Variants in ZNF609 observed in about 807,000 individuals in gnomAD.
ZNF609 encodes the protein zinc finger protein 609.
A neutral mutation model predicts 109.5 loss-of-function variants in ZNF609; 11 were observed. The observed-to-expected ratio is 0.10, with a 90% CI of 0.06 to 0.17. ZNF609 has a LOEUF of 0.17. Among genes scored for constraint, ZNF609 ranks in the 10% least tolerant of loss-of-function variants. ZNF609 has a pLI of 1.00. For synonymous variants in ZNF609, 646 were observed against 662.0 expected (o/e 0.98, Z 0.37); for missense variants, 1,559 against 1,772.4 (o/e 0.88, Z 2.16).
rs758067789 is a variant in ZNF609, at chr15:64,675,288, C to T, written c.2434C>T (p.Arg812Cys). The change falls in exon 5 of 10, where the codon CGC becomes TGC. Residue 812 changes from arginine to cysteine, a missense_variant. Physicochemically the swap from Arg to Cys is radical, Grantham distance 180. Coordinates refer to ENST00000326648, the MANE Select transcript of ZNF609 (RefSeq NM_015042.2). The stretch of plus-strand genomic sequence containing the variant: ...CAGCCCTTCCATTGGAGGCAGTAGC[C>T]GCCTTGAAAACACTACCCCTACTCA... ...APSPSIGGSS[R>C]LENTTPTQPL... 1.7e-5 allele frequency: 28 copies of T among 1,613,910 alleles called. No individual in the cohort carries two copies. The highest frequency in any genetic ancestry group is 3.3e-5 in the Admixed American group (2 of 60,002).
chr15:64,631,526 T>G, intron 3 of ZNF609: 1 of 649,030 alleles, frequency 1.5e-6, no homozygotes, highest in Non-Finnish European at 2.8e-6. Flanking sequence ...AACAACTTCA[T>G]ATTTTCTTTT....
At chr15:64,496,845 G>A (rs1049055769) in intron 1 of ZNF609, among the ~76,000 whole-genome samples, 5 of 150,030 alleles carry the variant, frequency 3.3e-5, no homozygotes, top group African/African-American at 7.4e-5. Context: ...ACAGCGTCTC[G>A]CTCTGTCACC....
intron 3 of ZNF609, chr15:64,632,029 G>GTA (rs769415720): frequency 1.3e-4 from 20 of 152,192 alleles, no homozygotes; most frequent in Non-Finnish European, 2.5e-4. Context: ...TGGCGTGTGT[G>GTA]TATATATATA....
intron 2 of ZNF609, among the ~76,000 whole-genome samples, chr15:64,561,570 T>A (rs8043340): frequency 0.11 from 15,692 of 148,166 alleles, 1,400 homozygotes; most frequent in South Asian, 0.31. Context: ...TTTTTTTTTT[T>A]AAATGATTTA....
chr15:64,616,306 T>C (rs1252011769), intron 2 of ZNF609, among the ~76,000 whole-genome samples: 1 of 152,028 alleles, frequency 6.6e-6, no homozygotes, highest in Non-Finnish European at 1.5e-5. Context: ...CAGTGTATTT[T>C]CTACCTGTAA....
At chr15:64,613,499 T>C (rs926817545) in intron 2 of ZNF609, among the ~76,000 whole-genome samples, 41 of 152,176 alleles carry the variant, frequency 2.7e-4, no homozygotes, top group Non-Finnish European at 5.9e-4. Flanking sequence ...TAGCCTCTCA[T>C]GACAAGGAAT....
Position 64,675,161 on chromosome 15 carries a change from A to T in ZNF609, c.2307A>T (p.Lys769Asn). The T allele has an allele frequency of 6.2e-7, 1 of 1,614,104 alleles. No homozygotes were observed. The highest frequency in any genetic ancestry group is 8.5e-7 in the Non-Finnish European group (1 of 1,180,016). ...GGGAATCTTCAGGAGATGGGATGAA[A>T]ATGGAGGGGCTCCTAAATGGCTCAT... Reference protein sequence around the residue: ...PFRESSGDGMKMEGLLNGSSD... With the variant: ...PFRESSGDGMNMEGLLNGSSD... Residue 769 changes from lysine to asparagine, a missense_variant, in exon 5 of 10, where the codon AAA becomes AAT. Lys to Asn is a moderately conservative substitution (Grantham distance 94). This residue lies in a region of ZNF609 where 1,204 missense variants were observed against 1,314.1 expected (regional missense o/e 0.92). Coordinates refer to ENST00000326648, the MANE Select transcript of ZNF609 (RefSeq NM_015042.2).
intron 1 of ZNF609, among the ~76,000 whole-genome samples, chr15:64,490,268 AGTT>A (rs148554825): frequency 0.39 from 38,611 of 98,222 alleles, 7,519 homozygotes; most frequent in Non-Finnish European, 0.5. Context: ...CCCGGCCAGT[AGTT>A]GTTTTTTTTT....
chr15:64,561,265 A>G (rs567740297), intron 2 of ZNF609, among the ~76,000 whole-genome samples: 100 of 152,188 alleles, frequency 6.6e-4, no homozygotes, highest in African/African-American at 2.3e-3. Flanking sequence ...AGCACTTACT[A>G]CTTTCTGATA....
intron 2 of ZNF609, among the ~76,000 whole-genome samples, chr15:64,581,146 C>G (rs955467201): frequency 2.0e-5 from 3 of 151,934 alleles, no homozygotes; most frequent in Non-Finnish European, 4.4e-5. Context: ...CTGCTTCCTC[C>G]TCCTGAGTAG....
chr15:64,664,738 A>G (rs915469549), intron 3 of ZNF609, among the ~76,000 whole-genome samples: 4 of 152,120 alleles, frequency 2.6e-5, no homozygotes, highest in African/African-American at 9.7e-5. Flanking sequence ...GTCTTTCCAT[A>G]TCATAATTTT....
At chr15:64,620,532 CAGTTTTCA>C (rs1895860333) in intron 2 of ZNF609, among the ~76,000 whole-genome samples, 1 of 152,100 alleles carries the variant, frequency 6.6e-6, no homozygotes, top group Non-Finnish European at 1.5e-5. Context: ...TATAAATGCC[CAGTTTTCA>C]AGAGAGCAAA....
At chr15:64,680,386 T>G (rs766429253) in intron 7 of ZNF609, 26 bp downstream of exon 7, 47 of 1,610,084 alleles carry the variant, frequency 2.9e-5, no homozygotes, top group Non-Finnish European at 3.6e-5. Flanking sequence ...TGATGCTGGC[T>G]GTTACCCAAA....
In ZNF609 at chr15:64,623,106, G is replaced by A. The variant is rs184140048; in HGVS notation, c.973+54G>A. 5.4e-5 allele frequency: 84 copies of A among 1,541,816 alleles called. No homozygotes were observed. In the East Asian group the frequency reaches 1.4e-3, roughly 26 times the overall value. On this transcript the variant is annotated intron_variant, in intron 3 of 9. Transcript: ENST00000326648. Reference sequence around the variant, plus strand: ...CTTCTCAACCTGCTTCTGCAGGGGAGCCACCAGGGACTTATTGTTGTAAAT... The same window carrying A: ...CTTCTCAACCTGCTTCTGCAGGGGAACCACCAGGGACTTATTGTTGTAAAT...
rs772429122 is a variant in ZNF609, at chr15:64,676,032, G to A, written c.3178G>A (p.Val1060Met). Residue 1060 changes from valine (V) to methionine (M), a missense_variant, in exon 5 of 10, where the codon GTG becomes ATG. By Grantham distance (21) the Val-to-Met change is conservative (BLOSUM62 1). Transcript: ENST00000326648. ...LTKAPSLTDL[V>M]KSGPGKAKEP... is the part of the protein sequence containing the mutation. ...CAAGGCCCCCAGCCTGACAGACCTG[G>A]TGAAATCAGGACCTGGCAAGGCCAA... 7 of 1,614,112 alleles carry A rather than the reference G, an allele frequency of 4.3e-6. No homozygotes were observed. The highest frequency in any genetic ancestry group is 5.9e-6 in the Non-Finnish European group (7 of 1,180,046).
At position 64,529,670 on chromosome 15, in the gene ZNF609, A is replaced by G. The variant is rs867504765; in HGVS notation, c.747+29504A>G. Reference sequence around the variant, plus strand: ...GTTGACTCTGACCTTCACCTTACCCATGGTGTCTCAGGGATGCAGCTGCCA... The same window carrying G: ...GTTGACTCTGACCTTCACCTTACCCGTGGTGTCTCAGGGATGCAGCTGCCA... On this transcript the variant is annotated intron_variant, in intron 2 of 9. Transcript: ENST00000326648. 12 of 745,488 alleles carry G rather than the reference A, an allele frequency of 1.6e-5. No individual in the cohort carries two copies. In the Middle Eastern group the frequency reaches 1.1e-3, roughly 71 times the overall value. The allele number at this position is 745,488 out of a possible 1,614,324, so 46.2% of individuals were successfully genotyped here.
chr15:64,466,041 G>A (rs906519651), intron 1 of ZNF609, among the ~76,000 whole-genome samples: 10 of 150,700 alleles, frequency 6.6e-5, no homozygotes, highest in Non-Finnish European at 1.3e-4. Context: ...GCTTGAACCC[G>A]GGAGGTGGAG....
At chr15:64,462,024 G>A (rs1041357995) in intron 1 of ZNF609, among the ~76,000 whole-genome samples, 1 of 152,252 alleles carries the variant, frequency 6.6e-6, no homozygotes. Flanking sequence ...GAGATAAACC[G>A]GTCCCTCTCA....
At chr15:64,577,071 T>TAAATATATACATATATATATATATAC (rs1567019128) in intron 2 of ZNF609, among the ~76,000 whole-genome samples, 1 of 47,736 alleles carries the variant, frequency 2.1e-5, no homozygotes, top group Non-Finnish European at 5.9e-5. Flanking sequence ...TATGTATATA[T>TAAATATATACATATATATATATATAC]ACACAAATAT....
Sources: gnomAD v4.1 joint callset for allele counts (sites outside exome capture counted in the v4.1 genomes callset) on GRCh38, gnomAD v4.1.1 for gene constraint, gnomAD v4.1.1 regional missense constraint, MANE v1.5 for transcripts, NCBI Gene and HGNC (gene_info 2026-07-23, HGNC 2026-07-21) for gene names.